SEMA4D: variants seen among roughly 807,000 people sequenced by gnomAD.
SEMA4D encodes semaphorin-4D.
In SEMA4D, 22 loss-of-function variants were observed where a neutral mutation model predicts 74.8. The ratio of observed to expected loss-of-function variants is 0.29; its 90% confidence interval spans 0.21 to 0.42. The LOEUF (loss-of-function observed/expected upper bound fraction) is 0.42, where lower values mean the gene tolerates loss of function less well. Among genes scored for constraint, SEMA4D ranks in the 10% least tolerant of loss-of-function variants. SEMA4D has a pLI of 1.00. For missense variants in SEMA4D, 937 were observed against 1,118.4 expected (o/e 0.84, Z 2.31); for synonymous variants, 445 against 463.7 (o/e 0.96, Z 0.52).
chr9:89,441,451 C>T (rs1183726423), intron 2 of SEMA4D, among the ~76,000 whole-genome samples: 6 of 152,206 alleles, frequency 3.9e-5, no homozygotes, highest in Non-Finnish European at 8.8e-5. Flanking sequence ...GGGATGTGGC[C>T]GAGGTGATGA....
intron 2 of SEMA4D, chr9:89,450,744 C>CTGGGGACCAAGG (rs1854300528): frequency 1.5e-6 from 2 of 1,355,760 alleles, no homozygotes; most frequent in Admixed American, 4.6e-5. Flanking sequence ...GAAAATGAAG[C>CTGGGGACCAAGG]TGGGGACCAA....
At chr9:89,468,153 CCCACT>C (rs1316261771) in intron 1 of SEMA4D, among the ~76,000 whole-genome samples, 2 of 152,186 alleles carry the variant, frequency 1.3e-5, no homozygotes, top group Non-Finnish European at 2.9e-5. Flanking sequence ...TGCACAGAAC[CCCACT>C]CCACTCCACC....
chr9:89,493,235 C>G (rs996058465), intron 1 of SEMA4D, among the ~76,000 whole-genome samples: 1 of 152,196 alleles, frequency 6.6e-6, no homozygotes, highest in African/African-American at 2.4e-5. Context: ...TGTGGGCCCT[C>G]AGAAGGAGGG....
At chr9:89,407,414 G>A (rs575780593) in intron 2 of SEMA4D, among the ~76,000 whole-genome samples, 34 of 152,196 alleles carry the variant, frequency 2.2e-4, no homozygotes, top group Non-Finnish European at 3.7e-4. Flanking sequence ...GAATGGCCAA[G>A]TGAAACCCAC....
At chr9:89,363,169 G>T (rs1832979266) in intron 18 of SEMA4D, among the ~76,000 whole-genome samples, 2 of 152,218 alleles carry the variant, frequency 1.3e-5, no homozygotes, top group South Asian at 4.1e-4. Context: ...AGCCCCACCT[G>T]TGAGTCCCTC....
intron 2 of SEMA4D, 128 bp from the exon 3 acceptor site, chr9:89,405,827 G>A: frequency 7.7e-7 from 1 of 1,291,896 alleles, no homozygotes; most frequent in Non-Finnish European, 9.8e-7. Context: ...ACGGAAGGCA[G>A]CGGGGGACAA....
intron 6 of SEMA4D, 118 bp from the exon 7 acceptor site, chr9:89,393,773 G>T: frequency 4.0e-6 from 3 of 743,972 alleles, no homozygotes; most frequent in Non-Finnish European, 4.6e-6. Context: ...ACAGGGCCGA[G>T]CAGATAGGTG....
intron 2 of SEMA4D, among the ~76,000 whole-genome samples, chr9:89,408,145 A>G (rs958907794): frequency 2.0e-5 from 3 of 152,260 alleles, no homozygotes; most frequent in African/African-American, 7.2e-5. Flanking sequence ...AGTTGTGAGA[A>G]TTATCTGCTA....
chr9:89,430,794 T>C (rs1849113234), intron 2 of SEMA4D, among the ~76,000 whole-genome samples: 1 of 152,182 alleles, frequency 6.6e-6, no homozygotes, highest in Non-Finnish European at 1.5e-5. Flanking sequence ...ATGGCCTACA[T>C]GGCAAAACCC....
At chr9:89,408,085 T>C (rs574652093) in intron 2 of SEMA4D, among the ~76,000 whole-genome samples, 2 of 152,282 alleles carry the variant, frequency 1.3e-5, no homozygotes, top group African/African-American at 4.8e-5. Flanking sequence ...CTTGCCATAA[T>C]GGTGTCACTT....
At chr9:89,412,386 C>G (rs1844729604) in intron 2 of SEMA4D, among the ~76,000 whole-genome samples, 1 of 152,162 alleles carries the variant, frequency 6.6e-6, no homozygotes. Flanking sequence ...CAGCAGGTGC[C>G]CAGGTGGAAG....
chr9:89,482,145 A>C (rs1380141757), intron 1 of SEMA4D, among the ~76,000 whole-genome samples: 1 of 152,180 alleles, frequency 6.6e-6, no homozygotes, highest in Non-Finnish European at 1.5e-5. Context: ...TTGAGGACCA[A>C]CCAGCTCACA....
intron 2 of SEMA4D, among the ~76,000 whole-genome samples, chr9:89,428,560 G>A (rs1848585580): frequency 6.6e-6 from 1 of 152,076 alleles, no homozygotes; most frequent in Non-Finnish European, 1.5e-5. Context: ...GGCAGGAGGA[G>A]AATGAGGCAC....
intron 2 of SEMA4D, among the ~76,000 whole-genome samples, chr9:89,428,917 G>A (rs1366795726): frequency 6.6e-6 from 1 of 152,194 alleles, no homozygotes; most frequent in Admixed American, 6.5e-5. Context: ...CAGGGCCCCT[G>A]GACCCTGCCA....
chr9:89,439,839 G>A (rs189104405), intron 2 of SEMA4D, among the ~76,000 whole-genome samples: 11 of 152,292 alleles, frequency 7.2e-5, no homozygotes, highest in Admixed American at 2.0e-4. Context: ...CCCACTTCAC[G>A]AATTTTAGCT....
intron 16 of SEMA4D, among the ~76,000 whole-genome samples, chr9:89,371,011 GGGTGTGT>G (rs1317059832): frequency 1.4e-5 from 2 of 140,542 alleles, no homozygotes; most frequent in African/African-American, 5.4e-5. Context: ...TCGGGGTGTG[GGGTGTGT>G]GGTATCTGGG....
chr9:89,398,099 C>A (rs1006146937), intron 5 of SEMA4D, among the ~76,000 whole-genome samples: 3 of 152,194 alleles, frequency 2.0e-5, no homozygotes, highest in African/African-American at 7.2e-5. Flanking sequence ...AAGCCTAAAA[C>A]CCGCAGCCCA....
chr9:89,402,727 G>T, intron 4 of SEMA4D, 144 bp downstream of exon 4: 1 of 804,602 alleles, frequency 1.2e-6, no homozygotes, highest in Non-Finnish European at 1.9e-6. Context: ...TGAACTGCTG[G>T]TGGACACCCA....
At chr9:89,439,599 C>T (rs769758122) in intron 2 of SEMA4D, among the ~76,000 whole-genome samples, 5 of 152,186 alleles carry the variant, frequency 3.3e-5, no homozygotes, top group African/African-American at 7.2e-5. Context: ...TGGTTTCAAA[C>T]ACCTGCATTC....
Sources: allele counts gnomAD v4.1 joint callset (sites outside exome capture counted in the v4.1 genomes callset), GRCh38; gene constraint gnomAD v4.1.1; transcripts MANE v1.5; gene names NCBI Gene and HGNC (gene_info 2026-07-23, HGNC 2026-07-21).